Variants in STX11 observed in about 807,000 individuals in gnomAD.
STX11 encodes syntaxin 11, also known as syntaxin-11.
In STX11, 21 loss-of-function variants were observed where a neutral mutation model predicts 19.9. That is an observed-to-expected ratio of 1.06 (90% CI 0.75 to 1.52). The LOEUF (loss-of-function observed/expected upper bound fraction) is 1.52. Among genes scored for constraint, STX11 ranks in the 40% most tolerant of loss-of-function variants. The probability of loss-of-function intolerance (pLI) is 0.00; values close to 1 mark genes in which losing one functional copy is unlikely to be tolerated. For synonymous variants in STX11, 193 were observed against 174.4 expected (o/e 1.11, Z -0.84); for missense variants, 438 against 405.9 (o/e 1.08, Z -0.68).
rs1554292615 is a variant in STX11, at chr6:144,169,663, C to CCCTCCCTT, written c.-5-16957_-5-16956insCCCTTCCT. Among the ~76,000 whole-genome samples the CCCTCCCTT allele has an allele frequency of 1.7e-3, 237 of 139,780 alleles. 4 individuals carry two copies. The East Asian group carries it at 0.031, about 18-fold the overall frequency. The allele number at this position is 139,780 out of a possible 152,430, so 91.7% of individuals were successfully genotyped here. A position where few individuals can be genotyped will look rare whatever the true frequency, so the allele number is the denominator to read the frequency against. ...CTCCTTTTCTTTTCCCTCCCTCCCT[C>CCCTCCCTT]CCTTCCTTCCTTCCTTCCTTCCTTC... On this transcript the variant is annotated intron_variant, in intron 1 of 1. Transcript: ENST00000367568. This position sits in a 1 kb window ranked among gnomAD's most constrained non-coding sequence, Gnocchi z 5.2.
chr6:144,147,608 C>T (rs1800900002), upstream of STX11, among the ~76,000 whole-genome samples: 1 of 152,174 alleles, frequency 6.6e-6, no homozygotes, highest in South Asian at 2.1e-4. This position sits in a 1 kb window ranked among gnomAD's most constrained non-coding sequence, Gnocchi z 4.2. Context: ...ATCCCAGACT[C>T]ACCTAACCAA....
rs114178243 is a variant in STX11, at chr6:144,159,196, A to G, written c.-6+8493A>G. Among the ~76,000 whole-genome samples, 2,188 of 152,296 alleles carry G rather than the reference A, an allele frequency of 0.014. 49 individuals are homozygous for G. Among genetic ancestry groups the G allele is most frequent in the African/African-American group, 0.048 (2,009 of 41,542 alleles). ...AACAACTATTTATCGAGGCTTTCCTATATGCCGGGTGCTCTGGAGTAAATG... is the reference window on the plus strand; with the variant it reads ...AACAACTATTTATCGAGGCTTTCCTGTATGCCGGGTGCTCTGGAGTAAATG... On this transcript the variant is annotated intron_variant, in intron 1 of 1. Transcript: ENST00000367568. The surrounding 1 kb of genome is among the most constrained non-coding windows in gnomAD (Gnocchi z 4.3).
Position 144,165,184 on chromosome 6 carries a change from G to T in STX11, c.-6+14481G>T, listed in dbSNP as rs1419415037. On this transcript the variant is annotated intron_variant, in intron 1 of 1. Coordinates refer to ENST00000367568, the MANE Select transcript of STX11 (RefSeq NM_003764.4). This position sits in a 1 kb window ranked among gnomAD's most constrained non-coding sequence, Gnocchi z 5.8. ...AGAAAAATTTTCTTGGCCGGGCGCG[G>T]TGGCTCACGCCTGTAATCCCAGCAC... Among the ~76,000 whole-genome samples the T allele has an allele frequency of 6.6e-6, 1 of 152,068 alleles. No homozygotes were observed. Among genetic ancestry groups the T allele is most frequent in the Non-Finnish European group, 1.5e-5 (1 of 68,020 alleles).
In STX11 at chr6:144,183,067, G is replaced by T. The variant is rs1801945313; in HGVS notation, c.-5-3556G>T. 6.6e-6 allele frequency among the ~76,000 whole-genome samples: 1 copy of T among 152,176 alleles called. No individual in the cohort carries two copies. Among genetic ancestry groups the T allele is most frequent in the Non-Finnish European group, 1.5e-5 (1 of 68,026 alleles). The stretch of plus-strand genomic sequence containing the variant: ...GTCCTTTAAACGAATAGTATTTATT[G>T]TTTTATGGGGGTTTTTAAATTATGA... On this transcript the variant is annotated intron_variant, in intron 1 of 1. Transcript: ENST00000367568. The surrounding 1 kb of genome is among the most constrained non-coding windows in gnomAD (Gnocchi z 4.6).
the STX11 span, among the ~76,000 whole-genome samples, chr6:144,140,209 C>CATATATAT: frequency 2.2e-3 from 99 of 44,262 alleles, 1 homozygote; most frequent in East Asian, 4.7e-3. Context: ...GGTCAATTCA[C>CATATATAT]ATATATATAT....
At position 144,165,283 on chromosome 6, in the gene STX11, C is replaced by T. The variant is rs1235390437; in HGVS notation, c.-6+14580C>T. Among the ~76,000 whole-genome samples the T allele has an allele frequency of 2.0e-5, 3 of 151,854 alleles. No homozygotes were observed. Among genetic ancestry groups the T allele is most frequent in the Non-Finnish European group, 4.4e-5 (3 of 67,964 alleles). ...CAACCTGACCAACATGGAGAAACCC[C>T]GTCTCTACTAAAAAATACAAAATTA... On this transcript the variant is annotated intron_variant, in intron 1 of 1. Transcript: ENST00000367568. This position sits in a 1 kb window ranked among gnomAD's most constrained non-coding sequence, Gnocchi z 5.8.
chr6:144,186,925 A>G lies in STX11; in HGVS notation c.298A>G (p.Ile100Val), dbSNP rs1802056498. 1.2e-6 allele frequency: 2 copies of G among 1,610,338 alleles called. No homozygotes were observed. Among genetic ancestry groups the G allele is most frequent in the Admixed American group, 1.7e-5 (1 of 59,994 alleles). ...GGCCATCAAGGCCCGGGGCGAGGTC[A>G]TCCACTGCAAGCTGCGCGCCATGAA... ...AKAIKARGEV[I>V]HCKLRAMKEL... Residue 100 changes from isoleucine to valine, a missense_variant, in exon 2 of 2, where the codon ATC (isoleucine) becomes GTC (valine). By Grantham distance (29) the Ile-to-Val change is conservative. Coordinates refer to ENST00000367568, the MANE Select transcript of STX11 (RefSeq NM_003764.4).
At position 144,176,991 on chromosome 6, in the gene STX11, G is replaced by A. The variant is rs1801794160; in HGVS notation, c.-5-9632G>A. 4.6e-5 allele frequency among the ~76,000 whole-genome samples: 7 copies of A among 152,152 alleles called. No individual in the cohort carries two copies. The highest frequency in any genetic ancestry group is 4.6e-4 in the Admixed American group (7 of 15,280). ...CCATATATAAGAATATTTTTTCTGG[G>A]AGAATTTAACAGGAGTAACCAGGCA... On this transcript the variant is annotated intron_variant, in intron 1 of 1. Transcript: ENST00000367568. This position sits in a 1 kb window ranked among gnomAD's most constrained non-coding sequence, Gnocchi z 4.1.
At position 144,167,738 on chromosome 6, in the gene STX11, C is replaced by A. The variant is rs952487474; in HGVS notation, c.-6+17035C>A. On this transcript the variant is annotated intron_variant, in intron 1 of 1. Coordinates refer to ENST00000367568, the MANE Select transcript of STX11 (RefSeq NM_003764.4). This position sits in a 1 kb window ranked among gnomAD's most constrained non-coding sequence, Gnocchi z 5.0. ...GGCTCAGGTGATCATCCCATCTCAG[C>A]CTCCCAAGCAGCTGGGAATACAGGT... 6.6e-6 allele frequency among the ~76,000 whole-genome samples: 1 copy of A among 152,118 alleles called. No homozygotes were observed. The highest frequency in any genetic ancestry group is 2.4e-5 in the African/African-American group (1 of 41,362).
In STX11 at chr6:144,189,131, C is replaced by T. The variant is rs536441283; in HGVS notation, c.*1640C>T. ...CTTAAACTCCCAGGCTCAAGTGATC[C>T]TCCCACCTCAGCCTACAAATAGCTG... On this transcript the variant is annotated 3_prime_UTR_variant, in exon 2 of 2. Coordinates refer to ENST00000367568, the MANE Select transcript of STX11 (RefSeq NM_003764.4). Among the ~76,000 whole-genome samples, 66 of 152,258 alleles carry T rather than the reference C, an allele frequency of 4.3e-4. No individual in the cohort carries two copies. Among genetic ancestry groups the T allele is most frequent in the African/African-American group, 1.5e-3 (63 of 41,534 alleles).
chr6:144,150,727 C>A, intron 1 of STX11, 24 bp downstream of exon 1: 2 of 984,612 alleles, frequency 2.0e-6, no homozygotes, highest in Non-Finnish European at 2.4e-6. Context: ...TTCCTGAGCC[C>A]CCATTTCTCT....
intron 1 of STX11, among the ~76,000 whole-genome samples, chr6:144,179,140 A>G (rs951745487): frequency 2.0e-5 from 3 of 152,190 alleles, no homozygotes; most frequent in African/African-American, 7.2e-5. Context: ...GGCAGACAAA[A>G]AGAGAATGAA....
At chr6:144,141,461 T>C in the STX11 span, among the ~76,000 whole-genome samples, 1 of 152,252 alleles carries the variant, frequency 6.6e-6, no homozygotes, top group Non-Finnish European at 1.5e-5. Flanking sequence ...TCTACCCCTA[T>C]TGGCGTATCA....
Position 144,172,884 on chromosome 6 carries a change from T to A in STX11, c.-5-13739T>A, listed in dbSNP as rs1250949746. On this transcript the variant is annotated intron_variant, in intron 1 of 1. Transcript: ENST00000367568. The surrounding 1 kb of genome is among the most constrained non-coding windows in gnomAD (Gnocchi z 4.2). ...GGATAACAAAAGTAGACACCCCATT[T>A]AAAAAAAAAAAAGAGCCATTAACAG... is the stretch of plus-strand genomic sequence containing the variant. 4.8e-5 allele frequency among the ~76,000 whole-genome samples: 7 copies of A among 144,700 alleles called. No individual in the cohort carries two copies. The highest frequency in any genetic ancestry group is 7.7e-5 in the Non-Finnish European group (5 of 65,322). 94.9% of individuals were successfully genotyped at this position (144,700 alleles called of 152,430 possible). A position where few individuals can be genotyped will look rare whatever the true frequency, so the allele number is the denominator to read the frequency against.
rs887127936 is a variant in STX11 at position 144,180,758 on chromosome 6, C to G, written c.-5-5865C>G. Among the ~76,000 whole-genome samples the G allele has an allele frequency of 6.6e-6, 1 of 152,182 alleles. No homozygotes were observed. The highest frequency in any genetic ancestry group is 1.5e-5 in the Non-Finnish European group (1 of 68,026). ...TTTGGTCTGCTGAGGTAGGTGGAAA[C>G]CTGCTTTCTGAATTGTTCCTTCCTG... On this transcript the variant is annotated intron_variant, in intron 1 of 1. Transcript: ENST00000367568. The surrounding 1 kb of genome is among the most constrained non-coding windows in gnomAD (Gnocchi z 5.3).
Position 144,177,853 on chromosome 6 carries a change from CAG to C in STX11, c.-5-8765_-5-8764del, listed in dbSNP as rs1490746290. ...TCCAAGTGTCTGTATTCTGTTATTT[CAG>C]AGAGTTAATAATTTTATGGATTTTT... On this transcript the variant is annotated intron_variant, in intron 1 of 1. Transcript: ENST00000367568. This position sits in a 1 kb window ranked among gnomAD's most constrained non-coding sequence, Gnocchi z 4.4. Among the ~76,000 whole-genome samples, 18 of 152,262 alleles carry C rather than the reference CAG, an allele frequency of 1.2e-4. No homozygotes were observed. The highest frequency in any genetic ancestry group is 4.1e-4 in the African/African-American group (17 of 41,552).
rs1322394771 is a variant in STX11, at chr6:144,176,042, A to C, written c.-5-10581A>C. Among the ~76,000 whole-genome samples the C allele has an allele frequency of 1.3e-5, 2 of 152,246 alleles. No homozygotes were observed. The highest frequency in any genetic ancestry group is 2.4e-5 in the African/African-American group (1 of 41,466). On this transcript the variant is annotated intron_variant, in intron 1 of 1. Coordinates refer to ENST00000367568, the MANE Select transcript of STX11 (RefSeq NM_003764.4). The surrounding 1 kb of genome is among the most constrained non-coding windows in gnomAD (Gnocchi z 4.1). ...CTAAACCCACTTTTAGGAAAAAGAA[A>C]GAAGTGGCTGGGCTACTGCAGACAG...
In STX11 at chr6:144,151,165, C is replaced by T. The variant is rs1169547255; in HGVS notation, c.-6+462C>T. 5.5e-6 allele frequency: 5 copies of T among 908,708 alleles called. No individual in the cohort carries two copies. Among genetic ancestry groups the T allele is most frequent in the Non-Finnish European group, 6.6e-6 (5 of 760,190 alleles). The allele number at this position is 908,708 out of a possible 1,614,324, so 56.3% of individuals were successfully genotyped here. A position where few individuals can be genotyped will look rare whatever the true frequency, so the allele number is the denominator to read the frequency against. ...TGAACTTGGCGGTGTCACTCAGTAGCCAGGAAAGACGGAGAAATTGATAGA... is the reference window on the plus strand; with the variant it reads ...TGAACTTGGCGGTGTCACTCAGTAGTCAGGAAAGACGGAGAAATTGATAGA... On this transcript the variant is annotated intron_variant, in intron 1 of 1. Transcript: ENST00000367568. This position sits in a 1 kb window ranked among gnomAD's most constrained non-coding sequence, Gnocchi z 4.6.
the STX11 span, among the ~76,000 whole-genome samples, chr6:144,141,470 C>G: frequency 6.6e-6 from 1 of 152,160 alleles, no homozygotes; most frequent in Non-Finnish European, 1.5e-5. Flanking sequence ...ATTGGCGTAT[C>G]AAGCTTGGAA....
Sources: gnomAD v4.1 joint callset for allele counts (sites outside exome capture counted in the v4.1 genomes callset) on GRCh38, gnomAD v4.1.1 for gene constraint, Gnocchi (gnomAD v3.1) non-coding constraint, MANE v1.5 for transcripts, NCBI Gene and HGNC (gene_info 2026-07-23, HGNC 2026-07-21) for gene names.